SPARC: variants seen among roughly 807,000 people sequenced by gnomAD.
The protein encoded by SPARC is secreted protein acidic and cysteine rich.
Under a neutral mutation model 37.7 loss-of-function variants are expected in SPARC, and 23 were observed. The observed-to-expected ratio is 0.61, with a 90% CI of 0.44 to 0.87. SPARC has a LOEUF of 0.87. Ranked by LOEUF, SPARC falls within the 40% of genes least tolerant of loss-of-function variation. SPARC has a pLI of 0.00. For missense variants in SPARC, 312 were observed against 389.0 expected (o/e 0.80, Z 1.66); for synonymous variants, 155 against 150.8 (o/e 1.03, Z -0.20).
intron 6 of SPARC, among the ~76,000 whole-genome samples, chr5:151,668,141 T>C (rs981075480): frequency 7.2e-6 from 1 of 139,498 alleles, no homozygotes; most frequent in Admixed American, 8.1e-5. Context: ...TTTCTTTTCT[T>C]TTTTCTTTTT....
Position 151,678,338 on chromosome 5 carries a change from G to A in SPARC, c.-13-2137C>T, listed in dbSNP as rs574630469. Among the ~76,000 whole-genome samples the A allele has an allele frequency of 5.8e-4, 88 of 152,254 alleles. 2 individuals carry two copies. In the South Asian group the frequency reaches 0.016, roughly 28 times the overall value. ...TGACCAGGGGAAGGTTTCGCTGGGC[G>A]GCTCTTCTGTCTGTCCTGCCTCCTC... On this transcript the variant is annotated intron_variant, in intron 1 of 9. Coordinates refer to ENST00000231061, the MANE Select transcript of SPARC (RefSeq NM_003118.4).
At chr5:151,672,105 G>C (rs1213966821) in intron 4 of SPARC, among the ~76,000 whole-genome samples, 4 of 152,198 alleles carry the variant, frequency 2.6e-5, no homozygotes, top group African/African-American at 9.7e-5. Context: ...CACTGAGCCA[G>C]GGAGCTGAGG....
At chr5:151,681,242 CAGGCAGGCCAGAG>C (rs763333906) in intron 1 of SPARC, among the ~76,000 whole-genome samples, 83 of 152,242 alleles carry the variant, frequency 5.5e-4, no homozygotes, top group Non-Finnish European at 7.6e-4. Flanking sequence ...GGGACCGAGC[CAGGCAGGCCAGAG>C]AGGTGGCCAC....
chr5:151,671,559 C>G lies in SPARC; in HGVS notation c.330+14G>C, dbSNP rs1760748693. On this transcript the variant is annotated intron_variant, in intron 5 of 9. Coordinates refer to ENST00000231061, the MANE Select transcript of SPARC (RefSeq NM_003118.4). Reference sequence around the variant, plus strand: ...CCCAATCCCTTCCCCCTGCCCCTGTCTCTCAGCCCTCACCTTCTCAAACTC... The same window carrying G: ...CCCAATCCCTTCCCCCTGCCCCTGTGTCTCAGCCCTCACCTTCTCAAACTC... The G allele has an allele frequency of 3.9e-6, 6 of 1,552,412 alleles. 1 individual carries two copies. The highest frequency in any genetic ancestry group is 4.3e-6 in the Non-Finnish European group (5 of 1,151,352).
At chr5:151,678,808 A>G (rs1409220242) in intron 1 of SPARC, among the ~76,000 whole-genome samples, 1 of 152,160 alleles carries the variant, frequency 6.6e-6, no homozygotes, top group Non-Finnish European at 1.5e-5. Context: ...CACAAACACA[A>G]AATCTGGGTC....
chr5:151,684,757 C>G (rs914202114), intron 1 of SPARC, among the ~76,000 whole-genome samples: 1 of 152,130 alleles, frequency 6.6e-6, no homozygotes, highest in African/African-American at 2.4e-5. Flanking sequence ...ACACTATCTA[C>G]CCCCTAGAGG....
intron 2 of SPARC, 37 bp downstream of exon 2, chr5:151,676,095 G>C (rs1348905263): frequency 6.4e-7 from 1 of 1,567,102 alleles, no homozygotes; most frequent in Non-Finnish European, 8.7e-7. Flanking sequence ...CTAGCGGTAG[G>C]AATGAAAACA....
In SPARC at chr5:151,685,284, C is replaced by T. The variant is rs76330141; in HGVS notation, c.-14+1581G>A. On this transcript the variant is annotated intron_variant, in intron 1 of 9. Coordinates refer to ENST00000231061, the MANE Select transcript of SPARC (RefSeq NM_003118.4). ...CTCCCTTTTCAGAAGGCTTCATCCT[C>T]CAGCAAATACACACATTTGTTACCA... 1,222 of 152,332 alleles carry T rather than the reference C, an allele frequency of 8.0e-3. 15 individuals carry two copies. The highest frequency in any genetic ancestry group is 0.028 in the African/African-American group (1,183 of 41,530). 9.4% of individuals were successfully genotyped at this position (152,332 alleles called of 1,614,324 possible).
At chr5:151,672,577 C>G (rs547149467) in intron 4 of SPARC, 1 of 154,572 alleles carries the variant, frequency 6.5e-6, no homozygotes, top group African/African-American at 2.4e-5. Flanking sequence ...TGCTTTGCAC[C>G]TAGGGCTGGA....
chr5:151,667,714 C>A (rs1330826730), intron 6 of SPARC, 114 bp from the exon 7 acceptor site: 7 of 1,186,084 alleles, frequency 5.9e-6, no homozygotes, highest in Non-Finnish European at 7.2e-6. Flanking sequence ...CACAGTGGCT[C>A]AACCTCTCCA....
At chr5:151,679,797 C>T (rs1760942949) in intron 1 of SPARC, 1 of 152,174 alleles carries the variant, frequency 6.6e-6, no homozygotes. Context: ...TTGGGCTCTC[C>T]TTGGACGTTA....
chr5:151,666,662 G>A (rs1760630412), intron 7 of SPARC, 153 bp from the exon 8 acceptor site: 1 of 613,756 alleles, frequency 1.6e-6, no homozygotes, highest in Admixed American at 3.0e-5. Flanking sequence ...ATGGGTACTA[G>A]CATCTCATTC....
intron 1 of SPARC, among the ~76,000 whole-genome samples, chr5:151,685,422 TCACACACACACA>T (rs3033198): frequency 2.1e-5 from 3 of 140,432 alleles, no homozygotes; most frequent in African/African-American, 2.7e-5. Flanking sequence ...CCTCTCTCTC[TCACACACACACA>T]CACACACACA....
At chr5:151,665,348 T>C (rs1398410454) in intron 8 of SPARC, among the ~76,000 whole-genome samples, 2 of 152,128 alleles carry the variant, frequency 1.3e-5, no homozygotes, top group Non-Finnish European at 2.9e-5. Flanking sequence ...AGTGACTCAG[T>C]TGGATCCCAG....
Position 151,676,213 on chromosome 5 carries a change from A to T in SPARC, c.-13-12T>A. 6.3e-7 allele frequency: 1 copy of T among 1,593,826 alleles called. No individual in the cohort carries two copies. Among genetic ancestry groups the T allele is most frequent in the Non-Finnish European group, 8.6e-7 (1 of 1,165,976 alleles). Reference sequence around the variant, plus strand: ...TGGTGCTGGGAACCCTATGGGGAGGAGAGATTGAGAGTTCAGTGAGGGTGA... The same window carrying T: ...TGGTGCTGGGAACCCTATGGGGAGGTGAGATTGAGAGTTCAGTGAGGGTGA... On this transcript the variant is annotated splice_polypyrimidine_tract_variant and intron_variant, in intron 1 of 9. Transcript: ENST00000231061.
rs779098177 is a variant in SPARC at position 151,666,482 on chromosome 5, G to A, written c.613C>T (p.Arg205Cys). 1.3e-5 allele frequency: 21 copies of A among 1,613,966 alleles called. No individual in the cohort carries two copies. In the Admixed American group the frequency reaches 1.3e-4, roughly 10 times the overall value. ...RVKKIHENEKRLEAGDHPVEL... is the reference protein window; with the variant it reads ...RVKKIHENEKCLEAGDHPVEL... ...ACGGGGTGGTCTCCTGCCTCCAGGC[G>A]CTTCTCATTCTCATGGATCTTCTTC... The change falls in exon 8 of 10, where the codon CGC becomes TGC. Residue 205 changes from arginine to cysteine, a missense_variant. By Grantham distance (180) the Arg-to-Cys change is radical (BLOSUM62 -3). Transcript: ENST00000231061.
intron 2 of SPARC, 21 bp from the exon 3 acceptor site, chr5:151,674,695 C>T (rs932631369): frequency 4.3e-6 from 7 of 1,613,336 alleles, no homozygotes; most frequent in South Asian, 3.3e-5. Context: ...GAGAAAGTAG[C>T]GTTCAGAGGG....
chr5:151,667,190 AC>A (rs1250244511), intron 7 of SPARC, among the ~76,000 whole-genome samples: 2 of 152,106 alleles, frequency 1.3e-5, no homozygotes, highest in Non-Finnish European at 2.9e-5. Context: ...AGATCCACAG[AC>A]TCCAAAGGAA....
chr5:151,664,227 G>GA lies in SPARC; in HGVS notation c.742dup (p.Ser248PhefsTer27), dbSNP rs1561915554. The GA allele has an allele frequency of 6.2e-7, 1 of 1,613,878 alleles. No individual in the cohort carries two copies. The highest frequency in any genetic ancestry group is 8.5e-7 in the Non-Finnish European group (1 of 1,179,972). On this transcript the variant is annotated frameshift_variant, in exon 9 of 10. Coordinates refer to ENST00000231061, the MANE Select transcript of SPARC (RefSeq NM_003118.4). LOFTEE classifies it high-confidence loss of function. ...ACGCAGTGGAGCCAGCTCGGTGTGG[G>GA]AGAGGTACCTGCAGGGAAGGAGGCA...
Sources: gnomAD v4.1 joint callset for allele counts (sites outside exome capture counted in the v4.1 genomes callset) on GRCh38, gnomAD v4.1.1 for gene constraint, MANE v1.5 for transcripts, NCBI Gene and HGNC (gene_info 2026-07-23, HGNC 2026-07-21) for gene names.